The following PKD1 variants were observed in gnomAD, a reference collection of about 807,000 sequenced individuals.
The protein encoded by PKD1 is polycystin 1, transient receptor potential channel interacting.
Under a neutral mutation model 361.7 loss-of-function variants are expected in PKD1, and 81 were observed. The observed-to-expected ratio is 0.22, with a 90% CI of 0.19 to 0.27. The LOEUF is 0.27. Ranked by LOEUF, PKD1 falls within the 10% of genes least tolerant of loss-of-function variation. The pLI is 1.00. For missense variants in PKD1, 6,399 were observed against 6,118.3 expected (o/e 1.05, Z -1.53); for synonymous variants, 3,615 against 2,818.3 (o/e 1.28, Z -8.95).
Position 2,092,088 on chromosome 16 carries a change from A to G in PKD1, c.11370T>C (p.Asn3790=), listed in dbSNP as rs143436918. The G allele has an allele frequency of 2.8e-5, 45 of 1,612,852 alleles. No individual in the cohort carries two copies. In the African/African-American group the frequency reaches 4.8e-4, roughly 17 times the overall value. Residue 3790 remains asparagine, a synonymous_variant, in exon 40 of 46, where the codon AAT becomes AAC. Transcript: ENST00000262304. The part of the protein sequence containing the change: ...DYDVGWESPH[N]GSGTWAYSAP... ...CTGAATAGGCCCACGTCCCCGAGCC[A>G]TTGTGAGGACTCTCCCAGCCAACGT...
chr16:2,113,502 C>A (rs1425844378), intron 11 of PKD1, among the ~76,000 whole-genome samples: 3 of 152,154 alleles, frequency 2.0e-5, no homozygotes, highest in South Asian at 2.1e-4. Flanking sequence ...CTACTAATGC[C>A]TCAACCTCTC....
Position 2,091,299 on chromosome 16 carries a change from AGGGGGCGGGACGCTGCGAGG to A in PKD1, c.11712+104_11712+123del, listed in dbSNP as rs1337135662. The stretch of plus-strand genomic sequence containing the variant: ...GACGCTGCCGGGGCGGGGCCCTGCG[AGGGGGCGGGACGCTGCGAGG>A]GGGCGGGGCGCTGCGAGGGGTGAGA... On this transcript the variant is annotated intron_variant, in intron 42 of 45. Coordinates refer to ENST00000262304, the MANE Select transcript of PKD1 (RefSeq NM_001009944.3). 5.6e-4 allele frequency: 162 copies of A among 288,676 alleles called. 8 individuals are homozygous for A. In the African/African-American group the frequency reaches 7.2e-3, roughly 13 times the overall value. The allele number at this position is 288,676 out of a possible 1,614,324, so 17.9% of individuals were successfully genotyped here.
chr16:2,111,263 C>T lies in PKD1; in HGVS notation c.3904G>A (p.Ala1302Thr), dbSNP rs139993510. 1.9e-5 allele frequency: 31 copies of T among 1,609,652 alleles called. No individual in the cohort carries two copies. The highest frequency in any genetic ancestry group is 5.3e-5 in the African/African-American group (4 of 74,852). The part of the protein sequence containing the change: ...FVLEVLRVEP[A>T]ACIPTQPDAR... ...TCAGGCTGCGTGGGGATGCAGGCGG[C>T]GGGTTCAACGCGCAGCACCTCCAGG... The change falls in exon 15 of 46, where the codon GCC becomes ACC. Residue 1302 changes from alanine (A) to threonine (T), a missense_variant. Physicochemically the swap from Ala to Thr is moderately conservative, Grantham distance 58 (BLOSUM62 0). Coordinates refer to ENST00000262304, the MANE Select transcript of PKD1 (RefSeq NM_001009944.3).
Position 2,092,035 on chromosome 16 carries a change from C to A in PKD1, c.11411+12G>T. 6.2e-7 allele frequency: 1 copy of A among 1,612,724 alleles called. No homozygotes were observed. Among genetic ancestry groups the A allele is most frequent in the Non-Finnish European group, 8.5e-7 (1 of 1,179,938 alleles). The stretch of plus-strand genomic sequence containing the variant: ...CCTTGGCGTAGACGCCCGGGGCCCT[C>A]GCTCTGCTCACCCCAGCAGATCCGG... On this transcript the variant is annotated intron_variant, in intron 40 of 45. Transcript: ENST00000262304.
In PKD1 at chr16:2,092,136, T is replaced by G. The variant is rs142111586; in HGVS notation, c.11322A>C (p.Gly3774=). ...CGTCGTAATCGCTGGTGCTGAAGCC[T>G]CCTGCGGCCGAGCACGTGTGGACCC... ...GPRVHTCSAA[G]GFSTSDYDVG... Residue 3774 remains glycine, a synonymous_variant, in exon 40 of 46, where the codon GGA becomes GGC. Transcript: ENST00000262304. 4.3e-6 allele frequency: 7 copies of G among 1,612,674 alleles called. No homozygotes were observed. The highest frequency in any genetic ancestry group is 2.2e-5 in the East Asian group (1 of 44,874).
chr16:2,116,484 G>A (rs1302371831), intron 8 of PKD1, 45 bp downstream of exon 8: 3 of 1,097,930 alleles, frequency 2.7e-6, no homozygotes, highest in African/African-American at 1.6e-5. Context: ...AAGGCCTCCA[G>A]GGGCAGGCAG....
rs1348286032 is a variant in PKD1 at position 2,110,545 on chromosome 16, T to C, written c.4622A>G (p.Asn1541Ser). 6 of 1,611,668 alleles carry C rather than the reference T, an allele frequency of 3.7e-6. No homozygotes were observed. The highest frequency in any genetic ancestry group is 1.3e-5 in the African/African-American group (1 of 75,040). Residue 1541 changes from asparagine (N) to serine (S), a missense_variant, in exon 15 of 46, where the codon AAT (asparagine) becomes AGT (serine). Coordinates refer to ENST00000262304, the MANE Select transcript of PKD1 (RefSeq NM_001009944.3). Reference sequence around the variant, plus strand: ...CCGCACGCGCCGCTTCACCGTCACATTGAGCCAGGCCTCGCTGCGGCTCAC... The same window carrying C: ...CCGCACGCGCCGCTTCACCGTCACACTGAGCCAGGCCTCGCTGCGGCTCAC... ...NEVSRSEAWL[N>S]VTVKRRVRGL...
intron 37 of PKD1, 166 bp downstream of exon 37, chr16:2,093,378 T>TG: frequency 5.5e-6 from 4 of 725,618 alleles, no homozygotes; most frequent in Non-Finnish European, 9.0e-6. Flanking sequence ...GGGCAGCAAG[T>TG]GGGGGGCGTG....
In PKD1 at chr16:2,108,791, C is replaced by T. The variant is rs997918453; in HGVS notation, c.6376G>A (p.Ala2126Thr). The T allele has an allele frequency of 3.8e-6, 6 of 1,569,514 alleles. No individual in the cohort carries two copies. Among genetic ancestry groups the T allele is most frequent in the African/African-American group, 1.4e-5 (1 of 73,752 alleles). ...RPGDYRVQVN[A>T]SNLVSFFVAQ... Reference sequence around the variant, plus strand: ...ACGAAGAAGCTCACCAGGTTGGAGGCGTTCACCTGCACGCGGTAGTCCCCA... The same window carrying T: ...ACGAAGAAGCTCACCAGGTTGGAGGTGTTCACCTGCACGCGGTAGTCCCCA... The change falls in exon 15 of 46, where the codon GCC (alanine) becomes ACC (threonine). Residue 2126 changes from alanine (A) to threonine (T), a missense_variant. By Grantham distance (58) the Ala-to-Thr change is moderately conservative. Transcript: ENST00000262304.
rs1395577367 is a variant in PKD1, at chr16:2,109,062, C to A, written c.6105G>T (p.Leu2035=). ...DVTYTPVAAG[L]LEIQVRAFNA... is the part of the protein sequence containing the mutation. ...TGAAGGCGCGCACCTGGATCTCCAA[C>A]AGCCCCGCGGCCACGGGCGTGTAGG... Residue 2035 remains leucine (L), a synonymous_variant, in exon 15 of 46, where the codon CTG becomes CTT. Transcript: ENST00000262304. 1 of 1,606,920 alleles carries A rather than the reference C, an allele frequency of 6.2e-7. No individual in the cohort carries two copies. The highest frequency in any genetic ancestry group is 8.5e-7 in the Non-Finnish European group (1 of 1,176,048).
At chr16:2,095,718 A>G (rs1198285750) in intron 34 of PKD1, among the ~76,000 whole-genome samples, 1 of 152,242 alleles carries the variant, frequency 6.6e-6, no homozygotes, top group Admixed American at 6.5e-5. Context: ...AGCCCGAAGC[A>G]CTGTCCGAGC....
chr16:2,116,619 G>T lies in PKD1; in HGVS notation c.1632C>A (p.Leu544=). Residue 544 remains leucine (L), a synonymous_variant, in exon 8 of 46, where the codon CTC becomes CTA. Coordinates refer to ENST00000262304, the MANE Select transcript of PKD1 (RefSeq NM_001009944.3). The stretch of plus-strand genomic sequence containing the variant: ...GGTCCCCACTGGGCGCTCCCACGAG[G>T]AGGTTCTCGGCATCCTGCACTGGGC... ...PGGPVQDAEN[L]LVGAPSGDLQ... is the part of the protein sequence containing the mutation. 4 of 1,552,076 alleles carry T rather than the reference G, an allele frequency of 2.6e-6. No individual in the cohort carries two copies. Among genetic ancestry groups the T allele is most frequent in the Non-Finnish European group, 3.5e-6 (4 of 1,152,580 alleles).
At chr16:2,133,122 G>A (rs934386914) in intron 1 of PKD1, 1 of 150,604 alleles carries the variant, frequency 6.6e-6, no homozygotes, top group African/African-American at 2.5e-5. Flanking sequence ...GGTCAGGAGG[G>A]AGAAGGGTCG....
intron 10 of PKD1, 35 bp downstream of exon 10, chr16:2,115,343 G>A: frequency 6.8e-7 from 1 of 1,469,440 alleles, no homozygotes; most frequent in Non-Finnish European, 9.3e-7. Context: ...GGCCTGAGGA[G>A]ATGCAGGGAA....
chr16:2,104,426 TG>T (rs1354789038), intron 22 of PKD1, 71 bp downstream of exon 22: 2 of 955,416 alleles, frequency 2.1e-6, no homozygotes, highest in Non-Finnish European at 2.8e-6. Flanking sequence ...GCGACGCGGT[TG>T]GGGGGAGGAG....
chr16:2,126,904 G>C (rs2092806500), intron 1 of PKD1, among the ~76,000 whole-genome samples: 1 of 152,164 alleles, frequency 6.6e-6, no homozygotes, highest in African/African-American at 2.4e-5. Flanking sequence ...GGGGCTTGCA[G>C]ATGCGGGACC....
rs547611708 is a variant in PKD1 at position 2,090,261 on chromosome 16, T to TC, written c.12444+23dup. 18,818 of 1,607,020 alleles carry TC rather than the reference T, an allele frequency of 0.012. 146 individuals are homozygous for TC. Among genetic ancestry groups the TC allele is most frequent in the Non-Finnish European group, 0.015 (17,205 of 1,176,862 alleles). On this transcript the variant is annotated intron_variant, in intron 45 of 45. Coordinates refer to ENST00000262304, the MANE Select transcript of PKD1 (RefSeq NM_001009944.3). ...GGGCAGAGCCCAGGGCGTGTCCCTC[T>TC]CCCCCCCACTGGGCCGTACCCACCT...
intron 16 of PKD1, chr16:2,107,650 G>C: frequency 1.6e-6 from 1 of 612,014 alleles, no homozygotes; most frequent in Non-Finnish European, 3.0e-6. Context: ...ATTGCTAGGG[G>C]ACTGTGTAGC....
At position 2,106,034 on chromosome 16, in the gene PKD1, G is replaced by C. The variant is rs1283022473; in HGVS notation, c.7704-10C>G. 6.2e-6 allele frequency: 10 copies of C among 1,606,980 alleles called. No homozygotes were observed. The highest frequency in any genetic ancestry group is 8.5e-6 in the Non-Finnish European group (10 of 1,179,042). Reference sequence around the variant, plus strand: ...GGTGATGGCCAAAGACCTACGAGCAGAGGGGGGTGGTGAGCAGGTGGCAGT... The same window carrying C: ...GGTGATGGCCAAAGACCTACGAGCACAGGGGGGTGGTGAGCAGGTGGCAGT... On this transcript the variant is annotated splice_polypyrimidine_tract_variant and intron_variant, in intron 19 of 45. Coordinates refer to ENST00000262304, the MANE Select transcript of PKD1 (RefSeq NM_001009944.3). This position sits in a 1 kb window ranked among gnomAD's most constrained non-coding sequence, Gnocchi z 6.5.
Sources: gnomAD v4.1 joint callset for allele counts (sites outside exome capture counted in the v4.1 genomes callset) on GRCh38, gnomAD v4.1.1 for gene constraint, Gnocchi (gnomAD v3.1) non-coding constraint, MANE v1.5 for transcripts, NCBI Gene and HGNC (gene_info 2026-07-23, HGNC 2026-07-21) for gene names.